The following CHN2 variants were observed in gnomAD, a reference collection of about 807,000 sequenced individuals.
The protein encoded by CHN2 is beta-chimaerin.
In CHN2, 35 loss-of-function variants were observed where a neutral mutation model predicts 56.3. The observed-to-expected ratio is 0.62, with a 90% CI of 0.47 to 0.82. CHN2 has a LOEUF of 0.82. Among genes scored for constraint, CHN2 ranks in the 40% least tolerant of loss-of-function variants. The pLI is 0.00. For synonymous variants in CHN2, 210 were observed against 212.8 expected, an observed-to-expected ratio of 0.99 and a Z score of 0.12; for missense variants, 491 against 580.5, an observed-to-expected ratio of 0.85 and a Z score of 1.58.
intron 1 of CHN2, among the ~76,000 whole-genome samples, chr7:29,221,577 A>G (rs1785794134): frequency 6.6e-6 from 1 of 152,186 alleles, no homozygotes; most frequent in Non-Finnish European, 1.5e-5. Context: ...CTAGGTATTA[A>G]GCCCAGTATT....
At chr7:29,228,197 T>G (rs1202665230) in intron 1 of CHN2, among the ~76,000 whole-genome samples, 1 of 150,882 alleles carries the variant, frequency 6.6e-6, no homozygotes, top group Non-Finnish European at 1.5e-5. Context: ...TGTGTTTGTG[T>G]GTTTGTGGAG....
chr7:29,401,124 C>T (rs775464877), intron 6 of CHN2: 24 of 311,318 alleles, frequency 7.7e-5, no homozygotes, highest in African/African-American at 1.7e-4. Context: ...AAAAATCAGC[C>T]GGGTGTGGTG....
chr7:29,210,495 A>G (rs551169217), intron 1 of CHN2, among the ~76,000 whole-genome samples: 1 of 152,246 alleles, frequency 6.6e-6, no homozygotes, highest in East Asian at 1.9e-4. Flanking sequence ...CATGTTCCAG[A>G]TTTTAGAGAT....
chr7:29,223,409 T>C (rs556959336), intron 1 of CHN2, among the ~76,000 whole-genome samples: 1 of 152,302 alleles, frequency 6.6e-6, no homozygotes, highest in Admixed American at 6.5e-5. Context: ...GGTCTTCCAA[T>C]GAAACACTAA....
At chr7:29,339,742 A>G (rs1024460545) in intron 1 of CHN2, among the ~76,000 whole-genome samples, 2 of 152,042 alleles carry the variant, frequency 1.3e-5, no homozygotes, top group African/African-American at 4.8e-5. Context: ...AATCCCAGCT[A>G]CTTGGGAGGC....
chr7:29,479,983 G>A, intron 6 of CHN2: 1 of 1,467,772 alleles, frequency 6.8e-7, no homozygotes, highest in Non-Finnish European at 9.0e-7. Context: ...CATGCCGGAG[G>A]CTGCTGCAGA....
At chr7:29,357,062 A>G (rs372486121) in intron 2 of CHN2, among the ~76,000 whole-genome samples, 32 of 152,346 alleles carry the variant, frequency 2.1e-4, no homozygotes, top group African/African-American at 6.7e-4. Flanking sequence ...CCACCCAGTA[A>G]CATCTCTTAA....
chr7:29,276,744 C>T (rs531841475), intron 1 of CHN2, among the ~76,000 whole-genome samples: 1 of 152,290 alleles, frequency 6.6e-6, no homozygotes, highest in Admixed American at 6.5e-5. Flanking sequence ...GAGGCGCTGG[C>T]CCTAAAATTG....
intron 7 of CHN2, among the ~76,000 whole-genome samples, chr7:29,489,455 T>C (rs1585593841): frequency 2.0e-5 from 3 of 152,230 alleles, no homozygotes; most frequent in Admixed American, 1.3e-4. Flanking sequence ...ATACGGTATA[T>C]TTCAATGAAA....
chr7:29,346,908 A>G (rs1383814368), intron 1 of CHN2, among the ~76,000 whole-genome samples: 2 of 152,184 alleles, frequency 1.3e-5, no homozygotes, highest in Non-Finnish European at 2.9e-5. Context: ...TCAAATCAAC[A>G]TATTTCTGGA....
At chr7:29,290,201 C>T (rs560452315) in intron 1 of CHN2, among the ~76,000 whole-genome samples, 1 of 152,320 alleles carries the variant, frequency 6.6e-6, no homozygotes, top group Admixed American at 6.5e-5. Flanking sequence ...CGTTCTTTTT[C>T]TGGGCCTTTG....
At chr7:29,445,072 C>G in intron 6 of CHN2, 1 of 453,250 alleles carries the variant, frequency 2.2e-6, no homozygotes, top group Non-Finnish European at 4.4e-6. Context: ...GTCTGTTGGT[C>G]CCAGCTGGTA....
chr7:29,513,352 T>A lies in CHN2; in HGVS notation c.*617T>A, dbSNP rs1324640015. 3 of 152,704 alleles carry A rather than the reference T, an allele frequency of 2.0e-5. No individual in the cohort carries two copies. Among genetic ancestry groups the A allele is most frequent in the African/African-American group, 7.2e-5 (3 of 41,456 alleles). The allele number at this position is 152,704 out of a possible 1,614,324, so 9.5% of individuals were successfully genotyped here. On this transcript the variant is annotated 3_prime_UTR_variant, in exon 13 of 13. Transcript: ENST00000222792. ...TTAATGAAATTTCACCTGCCCCTTGTGTTCCTGCTTTGGATAGTTTTTGCT... is the reference window on the plus strand; with the variant it reads ...TTAATGAAATTTCACCTGCCCCTTGAGTTCCTGCTTTGGATAGTTTTTGCT...
At chr7:29,438,274 G>A (rs1042009855) in intron 6 of CHN2, among the ~76,000 whole-genome samples, 1 of 152,208 alleles carries the variant, frequency 6.6e-6, no homozygotes, top group African/African-American at 2.4e-5. Flanking sequence ...ACACTATGCA[G>A]ATTCAAGAGA....
At position 29,473,482 on chromosome 7, in the gene CHN2, T is replaced by TGTG. The variant is rs1554299029; in HGVS notation, c.577-6797_577-6796insGTG. ...TGTGTGTGTTTGTGTTTTTTTTTTT[T>TGTG]TGTGTGTGTGTGTGTGTGTGTGTGT... On this transcript the variant is annotated intron_variant, in intron 6 of 12. Transcript: ENST00000222792. Among the ~76,000 whole-genome samples, 258 of 118,202 alleles carry TGTG rather than the reference T, an allele frequency of 2.2e-3. 4 individuals carry two copies. Among genetic ancestry groups the TGTG allele is most frequent in the African/African-American group, 7.3e-3 (219 of 30,176 alleles). The allele number at this position is 118,202 out of a possible 152,430, so 77.5% of individuals were successfully genotyped here.
At chr7:29,353,717 G>A (rs992332049) in intron 1 of CHN2, among the ~76,000 whole-genome samples, 11 of 152,170 alleles carry the variant, frequency 7.2e-5, no homozygotes, top group African/African-American at 1.7e-4. Flanking sequence ...GTGCACCAGC[G>A]GTAGAGGATG....
rs528534924 is a variant in CHN2 at position 29,480,814 on chromosome 7, C to T, written c.654+458C>T. On this transcript the variant is annotated intron_variant, in intron 7 of 12. Transcript: ENST00000222792. ...GTGATGCTAACTCCTTTCCTTTATG[C>T]GTAGACACCTGTGAAATCAAATAAT... Among the ~76,000 whole-genome samples the T allele has an allele frequency of 9.8e-5, 15 of 152,318 alleles. No homozygotes were observed. The East Asian group carries it at 1.4e-3, about 14-fold the overall frequency.
At chr7:29,148,827 G>A (rs1793139834) in intron 2 of CHN2, among the ~76,000 whole-genome samples, 1 of 152,198 alleles carries the variant, frequency 6.6e-6, no homozygotes, top group South Asian at 2.1e-4. Flanking sequence ...TACAATATAA[G>A]AGCTGTAATT....
intron 1 of CHN2, among the ~76,000 whole-genome samples, chr7:29,327,668 TG>T: frequency 6.6e-6 from 1 of 152,268 alleles, no homozygotes; most frequent in Middle Eastern, 3.4e-3. Flanking sequence ...GCTCCCATAT[TG>T]GGATAGCCAG....
Sources: allele counts gnomAD v4.1 joint callset (sites outside exome capture counted in the v4.1 genomes callset), GRCh38; gene constraint gnomAD v4.1.1; transcripts MANE v1.5; gene names NCBI Gene and HGNC (gene_info 2026-07-23, HGNC 2026-07-21).